Variants in SI observed in about 807,000 individuals in gnomAD.
The protein encoded by SI is sucrase-isomaltase, also known as sucrase-isomaltase, intestinal.
SI carries 235 observed loss-of-function variants against 253.3 expected under a neutral mutation model. The ratio of observed to expected loss-of-function variants is 0.93; its 90% confidence interval spans 0.83 to 1.03. The LOEUF (loss-of-function observed/expected upper bound fraction) is 1.03, where lower values mean the gene tolerates loss of function less well. Among genes scored for constraint, SI ranks in the 50% least tolerant of loss-of-function variants. SI has a pLI of 0.00. For synonymous variants in SI, 819 were observed against 712.0 expected, an observed-to-expected ratio of 1.15 and a Z score of -2.39; for missense variants, 2,442 against 2,211.1, an observed-to-expected ratio of 1.10 and a Z score of -2.09.
intron 16 of SI, among the ~76,000 whole-genome samples, chr3:165,044,633 G>A (rs565643048): frequency 1.3e-5 from 2 of 151,922 alleles, no homozygotes; most frequent in East Asian, 3.9e-4. Flanking sequence ...TTTAAGGTAG[G>A]CACTTCAAAT....
chr3:165,085,699 G>A, the SI span, among the ~76,000 whole-genome samples: 1 of 152,052 alleles, frequency 6.6e-6, no homozygotes, highest in African/African-American at 2.4e-5. Context: ...ACTTCTACTG[G>A]ATGCAAAAGT....
chr3:165,051,230 G>T (rs1388045101), intron 13 of SI, among the ~76,000 whole-genome samples: 1 of 151,810 alleles, frequency 6.6e-6, no homozygotes, highest in Non-Finnish European at 1.5e-5. Context: ...TCTAACTATG[G>T]ATATAAAAAG....
chr3:165,016,132 T>G lies in SI; in HGVS notation c.3760-52A>C, dbSNP rs777988712. 13 of 1,495,018 alleles carry G rather than the reference T, an allele frequency of 8.7e-6. No homozygotes were observed. The Admixed American group carries it at 1.7e-4, about 19-fold the overall frequency. The allele number at this position is 1,495,018 out of a possible 1,614,324, so 92.6% of individuals were successfully genotyped here. A position where few individuals can be genotyped will look rare whatever the true frequency, so the allele number is the denominator to read the frequency against. On this transcript the variant is annotated intron_variant, in intron 31 of 47. Coordinates refer to ENST00000264382, the MANE Select transcript of SI (RefSeq NM_001041.4). ...AGGGCAAAAAATACAAAATAGTAAG[T>G]GTATCATATTTTATCATACTTATAA...
At chr3:165,003,995 A>G (rs1718382337) in intron 37 of SI, among the ~76,000 whole-genome samples, 1 of 152,090 alleles carries the variant, frequency 6.6e-6, no homozygotes, top group Non-Finnish European at 1.5e-5. Flanking sequence ...CAATCAAAAG[A>G]CGCAGTGAAA....
In SI at chr3:165,077,577, T is replaced by A. The variant is rs1373908974; in HGVS notation, c.-1+856A>T. Among the ~76,000 whole-genome samples, 3 of 151,594 alleles carry A rather than the reference T, an allele frequency of 2.0e-5. No homozygotes were observed. The Admixed American group carries it at 2.0e-4, about 10-fold the overall frequency. On this transcript the variant is annotated intron_variant, in intron 1 of 47. Coordinates refer to ENST00000264382, the MANE Select transcript of SI (RefSeq NM_001041.4). ...TTGCATCAGTAATTTTCAAAGAAAA[T>A]GAATGTAAAGTAAACAGAGCAACAG...
At chr3:165,004,244 A>G (rs1718394800) in intron 37 of SI, among the ~76,000 whole-genome samples, 3 of 152,140 alleles carry the variant, frequency 2.0e-5, no homozygotes, top group Admixed American at 6.6e-5. Context: ...CACAACTACA[A>G]TGAGACATCA....
chr3:165,074,661 C>T lies in SI; in HGVS notation c.125G>A (p.Ser42Asn). The T allele has an allele frequency of 6.2e-7, 1 of 1,609,060 alleles. No individual in the cohort carries two copies. Among genetic ancestry groups the T allele is most frequent in the Non-Finnish European group, 8.5e-7 (1 of 1,176,452 alleles). ...AGTAGCTGGAGTTGAAGTAGAATCA[C>T]TAATTTCTGGGGGAGGAAAAAACTC... ...ATKTPAVDEI[S>N]DSTSTPATTR... is the part of the protein sequence containing the mutation. Residue 42 changes from serine to asparagine, a missense_variant, in exon 3 of 48, where the codon AGT (serine) becomes AAT (asparagine). Physicochemically the swap from Ser to Asn is conservative, Grantham distance 46. Coordinates refer to ENST00000264382, the MANE Select transcript of SI (RefSeq NM_001041.4).
intron 37 of SI, among the ~76,000 whole-genome samples, chr3:164,998,884 G>C (rs781687513): frequency 8.6e-5 from 13 of 151,640 alleles, no homozygotes; most frequent in Non-Finnish European, 1.6e-4. Flanking sequence ...ACATTTACCA[G>C]AGTGACATGC....
intron 16 of SI, among the ~76,000 whole-genome samples, chr3:165,046,110 A>G (rs1315104814): frequency 6.6e-6 from 1 of 151,972 alleles, no homozygotes; most frequent in African/African-American, 2.4e-5. Context: ...GGATTACAGG[A>G]GTGAGCCACC....
chr3:165,089,550 C>G, the SI span, among the ~76,000 whole-genome samples: 1 of 152,102 alleles, frequency 6.6e-6, no homozygotes, highest in African/African-American at 2.4e-5. Flanking sequence ...AAGAAGGATC[C>G]TGGGCCCTGG....
At chr3:165,015,619 G>A (rs768190825) in intron 32 of SI, among the ~76,000 whole-genome samples, 25 of 152,012 alleles carry the variant, frequency 1.6e-4, no homozygotes, top group Non-Finnish European at 2.8e-4. Flanking sequence ...CCCAGAGAAT[G>A]AACTAATAAT....
At chr3:165,050,004 A>G (rs1713345642) in intron 13 of SI, 129 bp from the exon 14 acceptor site, 2 of 661,180 alleles carry the variant, frequency 3.0e-6, no homozygotes, top group Admixed American at 4.8e-5. Context: ...TAGAAGATAA[A>G]TATAAGCTAC....
intron 28 of SI, 50 bp downstream of exon 28, chr3:165,019,552 C>A (rs1206373074): frequency 5.8e-6 from 9 of 1,547,884 alleles, no homozygotes; most frequent in South Asian, 1.1e-5. Context: ...GGCTTGGATT[C>A]TACTCATGGT....
At chr3:165,087,756 C>T in the SI span, among the ~76,000 whole-genome samples, 1 of 152,170 alleles carries the variant, frequency 6.6e-6, no homozygotes, top group Non-Finnish European at 1.5e-5. Flanking sequence ...ATTAATTATC[C>T]AACTATGCTA....
the SI span, among the ~76,000 whole-genome samples, chr3:165,084,734 T>C: frequency 2.0e-5 from 3 of 152,010 alleles, no homozygotes; most frequent in African/African-American, 4.8e-5. Context: ...AATATCACTT[T>C]TGGAATGTGA....
intron 45 of SI, among the ~76,000 whole-genome samples, chr3:164,984,672 A>G (rs1273679368): frequency 6.6e-6 from 1 of 152,178 alleles, no homozygotes; most frequent in African/African-American, 2.4e-5. Flanking sequence ...AACTTTATTA[A>G]TCAAGAATGG....
chr3:164,982,538 T>C (rs1438206341), intron 46 of SI, 128 bp from the exon 47 acceptor site: 1 of 715,930 alleles, frequency 1.4e-6, no homozygotes, highest in African/African-American at 1.8e-5. Flanking sequence ...GCATTTGATA[T>C]AAGGTATTTT....
chr3:165,072,397 G>T (rs1385167206), intron 3 of SI, among the ~76,000 whole-genome samples: 1 of 151,554 alleles, frequency 6.6e-6, no homozygotes, highest in Non-Finnish European at 1.5e-5. Context: ...TATTATTAAA[G>T]ATACATAGCT....
At chr3:165,000,496 CT>C (rs1440642623) in intron 37 of SI, among the ~76,000 whole-genome samples, 1 of 151,112 alleles carries the variant, frequency 6.6e-6, no homozygotes, top group Non-Finnish European at 1.5e-5. Flanking sequence ...GCTAATTAGC[CT>C]TATTTGATCA....
Sources: allele counts gnomAD v4.1 joint callset (sites outside exome capture counted in the v4.1 genomes callset), GRCh38; gene constraint gnomAD v4.1.1; transcripts MANE v1.5; gene names NCBI Gene and HGNC (gene_info 2026-07-23, HGNC 2026-07-21).